The following HACE1 variants were observed in gnomAD, a reference collection of about 807,000 sequenced individuals.
HACE1 encodes E3 ubiquitin-protein ligase HACE1.
In HACE1, 73 loss-of-function variants were observed where a neutral mutation model predicts 118.4. That is an observed-to-expected ratio of 0.62 (90% CI 0.51 to 0.75). The LOEUF (loss-of-function observed/expected upper bound fraction) is 0.75, where lower values mean the gene tolerates loss of function less well. HACE1 is among the 30% of genes least tolerant of loss of function. The pLI, the probability that HACE1 is intolerant of heterozygous loss-of-function variation, is 0.00. For missense variants in HACE1, 749 were observed against 1,102.2 expected (o/e 0.68, Z 4.54); for synonymous variants, 368 against 374.8 (o/e 0.98, Z 0.21).
At chr6:104,748,821 A>C (rs561676136) in intron 20 of HACE1, among the ~76,000 whole-genome samples, 61 of 152,310 alleles carry the variant, frequency 4.0e-4, no homozygotes, top group Non-Finnish European at 1.6e-4. Flanking sequence ...TATTTACATA[A>C]TTCTAAAATA....
At chr6:104,802,887 GAC>G (rs1770540045) in intron 7 of HACE1, among the ~76,000 whole-genome samples, 1 of 152,116 alleles carries the variant, frequency 6.6e-6, no homozygotes, top group Admixed American at 6.5e-5. Context: ...AGGAAATAGA[GAC>G]ACAAAAAACC....
In HACE1 at chr6:104,744,152, C is replaced by T; in HGVS notation, c.2513+8G>A. 1 of 1,503,408 alleles carries T rather than the reference C, an allele frequency of 6.7e-7. No homozygotes were observed. Among genetic ancestry groups the T allele is most frequent in the Non-Finnish European group, 9.3e-7 (1 of 1,079,378 alleles). 93.1% of individuals were successfully genotyped at this position (1,503,408 alleles called of 1,614,324 possible). On this transcript the variant is annotated splice_region_variant and intron_variant, in intron 22 of 23. Transcript: ENST00000262903. ...TTATTTCCATATTATCATAAAAATA[C>T]TGCTTACCTGCCCGTAACAAACTGT...
intron 4 of HACE1, among the ~76,000 whole-genome samples, chr6:104,845,606 T>C (rs1775587381): frequency 6.6e-6 from 1 of 151,560 alleles, no homozygotes. Context: ...GCCTCCTGAG[T>C]AGCTGGGACT....
chr6:104,852,063 A>G (rs768017013), intron 2 of HACE1, among the ~76,000 whole-genome samples: 1 of 152,240 alleles, frequency 6.6e-6, no homozygotes, highest in Non-Finnish European at 1.5e-5. Context: ...TAGTATTTCA[A>G]TATTCATTAA....
At chr6:104,839,212 T>C (rs1774851268) in intron 5 of HACE1, among the ~76,000 whole-genome samples, 1 of 152,184 alleles carries the variant, frequency 6.6e-6, no homozygotes, top group Non-Finnish European at 1.5e-5. Flanking sequence ...TTTATCCCAA[T>C]GTGTACCCTG....
At chr6:104,825,407 T>A (rs1048230159) in intron 6 of HACE1, among the ~76,000 whole-genome samples, 1 of 152,174 alleles carries the variant, frequency 6.6e-6, no homozygotes, top group Non-Finnish European at 1.5e-5. Context: ...CACTTCAGCC[T>A]CGGATTGGTT....
intron 5 of HACE1, among the ~76,000 whole-genome samples, chr6:104,833,638 G>T (rs1187581594): frequency 6.6e-6 from 1 of 152,154 alleles, no homozygotes; most frequent in East Asian, 1.9e-4. Flanking sequence ...GAAGCAACGA[G>T]TTCAAGATCA....
rs1777143503 is a variant in HACE1, at chr6:104,859,819, G to A, written c.-177C>T. ...ACGTCCTGCGTCCGGGGGCCGGGCT[G>A]CTGCCGGACCGACCACCTACAGTAC... On this transcript the variant is annotated 5_prime_UTR_variant, in exon 1 of 24. Transcript: ENST00000262903. 4 of 577,788 alleles carry A rather than the reference G, an allele frequency of 6.9e-6. No individual in the cohort carries two copies. The highest frequency in any genetic ancestry group is 1.2e-5 in the Non-Finnish European group (4 of 342,198). The allele number at this position is 577,788 out of a possible 1,614,324, so 35.8% of individuals were successfully genotyped here. A position where few individuals can be genotyped will look rare whatever the true frequency, so the allele number is the denominator to read the frequency against.
chr6:104,747,838 G>C (rs547948573), intron 20 of HACE1, among the ~76,000 whole-genome samples: 2 of 152,138 alleles, frequency 1.3e-5, no homozygotes, highest in Non-Finnish European at 2.9e-5. Context: ...TATAAATCAA[G>C]ACCATGCCTA....
intron 6 of HACE1, among the ~76,000 whole-genome samples, chr6:104,832,561 A>AT (rs1251265974): frequency 4.0e-5 from 6 of 151,798 alleles, no homozygotes. Context: ...ACCCAGCTAA[A>AT]TTTTTTTGTA....
In HACE1 at chr6:104,836,483, C is replaced by T. The variant is rs564338291; in HGVS notation, c.403-3310G>A. Among the ~76,000 whole-genome samples, 9 of 152,184 alleles carry T rather than the reference C, an allele frequency of 5.9e-5. No individual in the cohort carries two copies. The South Asian group carries it at 1.5e-3, about 25-fold the overall frequency. On this transcript the variant is annotated intron_variant, in intron 5 of 23. Transcript: ENST00000262903. ...ATCCCAGCATTTTGGGAGGCCGAGG[C>T]GGGTGAATCACCGGAGGTCAGGAGT...
At chr6:104,762,772 C>T (rs975129806) in intron 19 of HACE1, among the ~76,000 whole-genome samples, 1 of 151,998 alleles carries the variant, frequency 6.6e-6, no homozygotes, top group Non-Finnish European at 1.5e-5. Context: ...AGGCAGATCA[C>T]GAGGTCAGGA....
intron 7 of HACE1, among the ~76,000 whole-genome samples, chr6:104,808,365 A>G (rs1771249008): frequency 6.6e-6 from 1 of 152,196 alleles, no homozygotes; most frequent in Non-Finnish European, 1.5e-5. Context: ...AGCATGCTTT[A>G]TAGAAGCCAT....
At chr6:104,747,948 T>C (rs1302377672) in intron 20 of HACE1, among the ~76,000 whole-genome samples, 1 of 152,022 alleles carries the variant, frequency 6.6e-6, no homozygotes, top group Non-Finnish European at 1.5e-5. Flanking sequence ...AGAGCCACAA[T>C]TAAAAACTTA....
chr6:104,784,639 T>C (rs1461867844), intron 12 of HACE1, among the ~76,000 whole-genome samples, 154 bp from the exon 13 acceptor site: 1 of 152,092 alleles, frequency 6.6e-6, no homozygotes, highest in Non-Finnish European at 1.5e-5. Context: ...GAAACTGAAG[T>C]ATGCCTAGCC....
intron 1 of HACE1, among the ~76,000 whole-genome samples, chr6:104,857,029 C>T (rs1386119887): frequency 6.6e-6 from 1 of 151,868 alleles, no homozygotes; most frequent in African/African-American, 2.4e-5. Flanking sequence ...TTATTGATTA[C>T]TGAATTCTAA....
intron 5 of HACE1, among the ~76,000 whole-genome samples, chr6:104,833,624 G>A (rs555256788): frequency 3.1e-4 from 47 of 152,262 alleles, no homozygotes; most frequent in African/African-American, 1.0e-3. Flanking sequence ...CAAGAGGATT[G>A]CTTGAAGCAA....
chr6:104,806,974 G>C (rs1771069878), intron 7 of HACE1, among the ~76,000 whole-genome samples: 1 of 151,724 alleles, frequency 6.6e-6, no homozygotes, highest in Admixed American at 6.6e-5. Flanking sequence ...ATTTTCTAAA[G>C]GTCCGTTCCT....
At chr6:104,797,081 G>T in intron 7 of HACE1, 56 bp from the exon 8 acceptor site, 1 of 953,276 alleles carries the variant, frequency 1.0e-6, no homozygotes, top group South Asian at 1.3e-5. Flanking sequence ...CTTTCTCTAT[G>T]AATTATGGAT....
Sources: allele counts gnomAD v4.1 joint callset (sites outside exome capture counted in the v4.1 genomes callset), GRCh38; gene constraint gnomAD v4.1.1; transcripts MANE v1.5; gene names NCBI Gene and HGNC (gene_info 2026-07-23, HGNC 2026-07-21).